The following ANO4 variants were observed in gnomAD, a reference collection of about 807,000 sequenced individuals.
ANO4 encodes the protein anoctamin-4.
In ANO4, 69 loss-of-function variants were observed where a neutral mutation model predicts 141.9. The ratio of observed to expected loss-of-function variants is 0.49; its 90% CI spans 0.40 to 0.59. The LOEUF is 0.59. Among genes scored for constraint, ANO4 ranks in the 20% least tolerant of loss-of-function variants. The probability of loss-of-function intolerance (pLI) is 0.00; values close to 1 mark genes in which losing one functional copy is unlikely to be tolerated. For missense variants in ANO4, 894 were observed against 1,162.2 expected, an observed-to-expected ratio of 0.77 and a Z score of 3.36; for synonymous variants, 350 against 394.3, an observed-to-expected ratio of 0.89 and a Z score of 1.33.
intron 1 of ANO4, among the ~76,000 whole-genome samples, chr12:100,895,148 G>GT (rs35816641): frequency 0.4 from 59,354 of 147,796 alleles, 12,127 homozygotes; most frequent in Middle Eastern, 0.55. Flanking sequence ...CCTTCTACAG[G>GT]TTTTTTTTTT....
intron 22 of ANO4, among the ~76,000 whole-genome samples, chr12:101,104,304 G>A (rs1053021438): frequency 3.3e-5 from 5 of 151,242 alleles, no homozygotes; most frequent in African/African-American, 4.9e-5. Context: ...AGCATCTCAA[G>A]ATGCTGATTT....
intron 22 of ANO4, among the ~76,000 whole-genome samples, chr12:101,107,230 G>A (rs1042574607): frequency 2.0e-5 from 3 of 152,106 alleles, no homozygotes; most frequent in Admixed American, 1.3e-4. Context: ...TCTGGCCTTC[G>A]TTGTAATTAC....
chr12:100,948,453 G>C (rs1291867188), intron 5 of ANO4, among the ~76,000 whole-genome samples: 1 of 152,012 alleles, frequency 6.6e-6, no homozygotes, highest in African/African-American at 2.4e-5. Flanking sequence ...TATATATAGT[G>C]CCAATCTTTG....
chr12:101,042,568 C>T, intron 12 of ANO4, 100 bp downstream of exon 12: 1 of 1,476,322 alleles, frequency 6.8e-7, no homozygotes, highest in East Asian at 2.3e-5. Flanking sequence ...TTTAGCTTTT[C>T]ACTCAAACTT....
chr12:101,107,439 G>A (rs547230591), intron 22 of ANO4, among the ~76,000 whole-genome samples: 86 of 152,270 alleles, frequency 5.6e-4, no homozygotes, highest in Middle Eastern at 3.4e-3. Context: ...GCAGAGTTGT[G>A]GCAGCTACAG....
At chr12:100,773,802 G>T (rs530621465) in intron 3 of ANO4, among the ~76,000 whole-genome samples, 3 of 152,284 alleles carry the variant, frequency 2.0e-5, no homozygotes, top group Admixed American at 6.5e-5. Flanking sequence ...TAGCAACCAA[G>T]TAAATTTTAA....
chr12:100,908,007 A>C (rs755511343), intron 2 of ANO4, among the ~76,000 whole-genome samples: 5 of 152,262 alleles, frequency 3.3e-5, no homozygotes, highest in Non-Finnish European at 7.3e-5. Context: ...TTTTATCAAC[A>C]TGGGCTAATT....
At chr12:100,826,018 T>C (rs1012358745) in intron 1 of ANO4, among the ~76,000 whole-genome samples, 5 of 152,080 alleles carry the variant, frequency 3.3e-5, no homozygotes, top group African/African-American at 1.2e-4. Flanking sequence ...ACCAATCAAA[T>C]CATTAGCCAG....
At position 101,088,170 on chromosome 12, in the gene ANO4, A is replaced by T. The variant is rs149333913; in HGVS notation, c.1701+1346A>T. Among the ~76,000 whole-genome samples the T allele has an allele frequency of 2.6e-3, 399 of 152,098 alleles. 2 individuals are homozygous for T. Among genetic ancestry groups the T allele is most frequent in the Middle Eastern group, 0.01 (3 of 292 alleles). On this transcript the variant is annotated intron_variant, in intron 17 of 27. Transcript: ENST00000392977. Reference sequence around the variant, plus strand: ...TCTTTTCTTTTACTCACTGTGATTCACCTGCTCCAGCCGCACTTGTCCTTT... The same window carrying T: ...TCTTTTCTTTTACTCACTGTGATTCTCCTGCTCCAGCCGCACTTGTCCTTT...
At chr12:100,806,557 T>TTTTTTTTTTTTTTTTTC (rs2035064301) in intron 1 of ANO4, among the ~76,000 whole-genome samples, 1 of 86,176 alleles carries the variant, frequency 1.2e-5, no homozygotes, top group Admixed American at 1.2e-4. Flanking sequence ...TTTTTTTTTT[T>TTTTTTTTTTTTTTTTTC]TTTGTGAGAC....
chr12:100,733,697 C>T, intron 1 of ANO4: 1 of 640,346 alleles, frequency 1.6e-6, no homozygotes, highest in South Asian at 1.8e-5. Flanking sequence ...TTATTTACCA[C>T]CAGTCATATA....
chr12:100,749,945 G>A (rs552081391), intron 3 of ANO4, among the ~76,000 whole-genome samples: 1 of 152,214 alleles, frequency 6.6e-6, no homozygotes, highest in African/African-American at 2.4e-5. Context: ...TGTGATATAT[G>A]ACTGAATGGA....
chr12:101,054,546 C>T (rs1484285692), intron 14 of ANO4, among the ~76,000 whole-genome samples: 2 of 152,200 alleles, frequency 1.3e-5, no homozygotes, highest in African/African-American at 4.8e-5. Context: ...GTCCCCCAGG[C>T]TGGAGTGCAG....
chr12:100,771,915 A>C (rs2033317483), intron 3 of ANO4, among the ~76,000 whole-genome samples: 1 of 152,230 alleles, frequency 6.6e-6, no homozygotes, highest in African/African-American at 2.4e-5. Context: ...TGGGGAGGGC[A>C]GCATTCCCTG....
chr12:100,840,008 T>G (rs2037153675), intron 1 of ANO4, among the ~76,000 whole-genome samples: 1 of 152,112 alleles, frequency 6.6e-6, no homozygotes, highest in Non-Finnish European at 1.5e-5. Flanking sequence ...TTTTGAATTT[T>G]TGTAATCAGA....
At chr12:100,881,370 G>T (rs1165818419) in intron 1 of ANO4, among the ~76,000 whole-genome samples, 3 of 149,948 alleles carry the variant, frequency 2.0e-5, no homozygotes, top group African/African-American at 7.4e-5. Flanking sequence ...TAATACAAAT[G>T]CATATTCATA....
At chr12:100,971,678 A>C (rs117467477) in intron 6 of ANO4, among the ~76,000 whole-genome samples, 1 of 152,322 alleles carries the variant, frequency 6.6e-6, no homozygotes, top group Non-Finnish European at 1.5e-5. Flanking sequence ...TTTTATTTCC[A>C]AAGTGCCATT....
At chr12:100,875,344 G>A (rs2039246227) in intron 1 of ANO4, among the ~76,000 whole-genome samples, 1 of 152,086 alleles carries the variant, frequency 6.6e-6, no homozygotes, top group African/African-American at 2.4e-5. Flanking sequence ...GAAGAGAAAG[G>A]GTAGGTGATT....
At chr12:100,947,718 T>G (rs1192318986) in intron 5 of ANO4, among the ~76,000 whole-genome samples, 1 of 152,214 alleles carries the variant, frequency 6.6e-6, no homozygotes, top group Non-Finnish European at 1.5e-5. Flanking sequence ...ATGCTCACAT[T>G]TATTAATCAC....
Sources: gnomAD v4.1 joint callset for allele counts (sites outside exome capture counted in the v4.1 genomes callset) on GRCh38, gnomAD v4.1.1 for gene constraint, MANE v1.5 for transcripts, NCBI Gene and HGNC (gene_info 2026-07-23, HGNC 2026-07-21) for gene names.